The following SSX2IP variants were observed in gnomAD, a reference collection of about 807,000 sequenced individuals.
SSX2IP encodes SSX family member 2 interacting protein.
SSX2IP carries 55 observed loss-of-function variants against 84.9 expected under a neutral mutation model. That is an observed-to-expected ratio of 0.65 (90% CI 0.52 to 0.81). SSX2IP has a LOEUF of 0.81. Ranked by LOEUF, SSX2IP falls within the 30% of genes least tolerant of loss-of-function variation. SSX2IP has a pLI of 0.00. For synonymous variants in SSX2IP, 239 were observed against 234.7 expected (o/e 1.02, Z -0.17); for missense variants, 664 against 705.2 (o/e 0.94, Z 0.66).
chr1:84,650,994 C>G lies in SSX2IP; in HGVS notation c.1505-467G>C, dbSNP rs138211600. Among the ~76,000 whole-genome samples, 22 of 152,200 alleles carry G rather than the reference C, an allele frequency of 1.4e-4. No individual in the cohort carries two copies. In the East Asian group the frequency reaches 4.3e-3, roughly 30 times the overall value. ...TGCTGGGATTACAGGCGTGAGCCAC[C>G]GTGCCCAGCCAAAAGGATCTAGTTT... On this transcript the variant is annotated intron_variant, in intron 12 of 13. Coordinates refer to ENST00000342203, the MANE Select transcript of SSX2IP (RefSeq NM_001166293.2).
Position 84,643,764 on chromosome 1 carries a change from A to ACTAG in SSX2IP, c.*3665_*3668dup, listed in dbSNP as rs1649190784. Reference sequence around the variant, plus strand: ...AATATTATGTGCTGTTAAGCATTATACTAGGTACATGTATTTCTGAAGCTC... The same window carrying ACTAG: ...AATATTATGTGCTGTTAAGCATTATACTAGCTAGGTACATGTATTTCTGAAGCTC... On this transcript the variant is annotated 3_prime_UTR_variant, in exon 14 of 14. Coordinates refer to ENST00000342203, the MANE Select transcript of SSX2IP (RefSeq NM_001166293.2). The ACTAG allele has an allele frequency of 6.6e-6, 1 of 152,050 alleles. No individual in the cohort carries two copies. Among genetic ancestry groups the ACTAG allele is most frequent in the Non-Finnish European group, 1.5e-5 (1 of 67,994 alleles). The allele number at this position is 152,050 out of a possible 1,614,324, so 9.4% of individuals were successfully genotyped here. A position where few individuals can be genotyped will look rare whatever the true frequency, so the allele number is the denominator to read the frequency against.
At position 84,652,006 on chromosome 1, in the gene SSX2IP, A is replaced by C; in HGVS notation, c.1390-9T>G. 6.3e-7 allele frequency: 1 copy of C among 1,589,094 alleles called. No homozygotes were observed. Among genetic ancestry groups the C allele is most frequent in the Non-Finnish European group, 8.6e-7 (1 of 1,157,562 alleles). On this transcript the variant is annotated splice_polypyrimidine_tract_variant and intron_variant, in intron 11 of 13. Transcript: ENST00000342203. ...TCTTCAAATGCCTTTCTCTACCATA[A>C]ACAGCCAAAGAAATAATGATCAATA...
chr1:84,681,000 A>G (rs1190128562), intron 1 of SSX2IP, among the ~76,000 whole-genome samples: 1 of 151,716 alleles, frequency 6.6e-6, no homozygotes, highest in Non-Finnish European at 1.5e-5. Context: ...AGTGATAAAA[A>G]ATGCATAAAA....
At chr1:84,658,884 A>G (rs886675814) in intron 8 of SSX2IP, among the ~76,000 whole-genome samples, 5 of 152,266 alleles carry the variant, frequency 3.3e-5, no homozygotes, top group Non-Finnish European at 7.3e-5. Context: ...GGCTGCTTAA[A>G]GAAATGCACT....
At chr1:84,652,092 T>C in intron 11 of SSX2IP, 95 bp from the exon 12 acceptor site, 1 of 881,950 alleles carries the variant, frequency 1.1e-6, no homozygotes, top group Non-Finnish European at 1.9e-6. Flanking sequence ...GTTTGCTCTC[T>C]GGCTATCTAT....
intron 1 of SSX2IP, among the ~76,000 whole-genome samples, chr1:84,674,188 TTCCCAAGAGATAAGGTATAATGTACTTA>T (rs1282420288): frequency 2.0e-5 from 3 of 152,170 alleles, no homozygotes; most frequent in Non-Finnish European, 4.4e-5. Flanking sequence ...CCTCCTAAGT[TTCCCAAGAGATAAGGTATAATGTACTTA>T]TCCCAAGAGA....
chr1:84,689,646 G>C (rs1001339279), intron 1 of SSX2IP, among the ~76,000 whole-genome samples: 1 of 152,172 alleles, frequency 6.6e-6, no homozygotes, highest in Non-Finnish European at 1.5e-5. Context: ...CAGCAAATTA[G>C]TATATTCTAT....
At position 84,670,665 on chromosome 1, in the gene SSX2IP, C is replaced by T. The variant is rs960452254; in HGVS notation, c.194G>A (p.Ser65Asn). The T allele has an allele frequency of 8.1e-6, 13 of 1,606,990 alleles. No individual in the cohort carries two copies. In the Admixed American group the frequency reaches 1.7e-4, roughly 21 times the overall value. The stretch of plus-strand genomic sequence containing the variant: ...TGTTACCTGATCAAGATATGAGATA[C>T]TCTGTTCAATATTATCTTCTGTGCA... ...AFCTEDNIEQSISYLDQELTT... is the reference protein window; with the variant it reads ...AFCTEDNIEQNISYLDQELTT... Residue 65 changes from serine (S) to asparagine (N), a missense_variant, in exon 3 of 14, where the codon AGT becomes AAT. By Grantham distance (46) the Ser-to-Asn change is conservative. Transcript: ENST00000342203.
chr1:84,686,582 C>T (rs753944267), intron 1 of SSX2IP, among the ~76,000 whole-genome samples: 21 of 152,068 alleles, frequency 1.4e-4, no homozygotes, highest in Non-Finnish European at 2.8e-4. Flanking sequence ...CACAAGACAT[C>T]CGAGCACATT....
rs139023868 is a variant in SSX2IP, at chr1:84,650,506, A to C, written c.1526T>G (p.Ile509Arg). ...CTTTTGCGGCTGCCTCGAGTGCACT[A>C]TAAGATTGTCCCAATCAGAACCTGT... is the stretch of plus-strand genomic sequence containing the variant. ...FSGSSDWDNL[I>R]VHSRQPQKKP... Residue 509 changes from isoleucine (I) to arginine (R), a missense_variant, in exon 13 of 14, where the codon ATA becomes AGA. Ile to Arg is a moderately conservative substitution (Grantham distance 97, BLOSUM62 -3). Transcript: ENST00000342203. 3.1e-6 allele frequency: 5 copies of C among 1,614,070 alleles called. No homozygotes were observed. The African/African-American group carries it at 4.0e-5, about 13-fold the overall frequency.
At chr1:84,650,594 A>C in intron 12 of SSX2IP, 67 bp from the exon 13 acceptor site, 2 of 1,532,450 alleles carry the variant, frequency 1.3e-6, no homozygotes, top group South Asian at 1.1e-5. Context: ...GTGAAGGTAA[A>C]TCATCAGGAT....
chr1:84,676,154 A>G (rs554215307), intron 1 of SSX2IP, among the ~76,000 whole-genome samples: 2 of 152,378 alleles, frequency 1.3e-5, no homozygotes, highest in South Asian at 4.1e-4. Context: ...CTTGAACATT[A>G]AATAATTAAA....
chr1:84,655,039 A>T (rs1424065418), intron 11 of SSX2IP, among the ~76,000 whole-genome samples: 1 of 152,058 alleles, frequency 6.6e-6, no homozygotes, highest in African/African-American at 2.4e-5. Context: ...GACGAACAAG[A>T]GGAACAATAT....
At chr1:84,654,815 C>T (rs558743754) in intron 11 of SSX2IP, among the ~76,000 whole-genome samples, 2 of 152,064 alleles carry the variant, frequency 1.3e-5, no homozygotes, top group South Asian at 2.1e-4. Flanking sequence ...AGTACTTATA[C>T]CTGGATTGTA....
At position 84,645,974 on chromosome 1, in the gene SSX2IP, A is replaced by G. The variant is rs909582353; in HGVS notation, c.*1459T>C. The G allele has an allele frequency of 6.6e-6, 1 of 152,206 alleles. No individual in the cohort carries two copies. Among genetic ancestry groups the G allele is most frequent in the East Asian group, 1.9e-4 (1 of 5,204 alleles). The allele number at this position is 152,206 out of a possible 1,614,324, so 9.4% of individuals were successfully genotyped here. ...CAGCCCTGAAAAAATGGCTGCTGCT[A>G]TGCAACTCCAAAGAGTTACATAGTT... is the stretch of plus-strand genomic sequence containing the variant. On this transcript the variant is annotated 3_prime_UTR_variant, in exon 14 of 14. Transcript: ENST00000342203.
In SSX2IP at chr1:84,656,412, T is replaced by C; in HGVS notation, c.1151A>G (p.Glu384Gly). ...CTGCTGAATTTCTAACTCGAGTTTT[T>C]CAGTTTCTTGTTCATGGTCTTGTCG... ...ISRQDHEQET[E>G]KLELEIQQCK... The change falls in exon 10 of 14, where the codon GAA (glutamate) becomes GGA (glycine). Residue 384 changes from glutamate to glycine, a missense_variant. Physicochemically the swap from Glu to Gly is moderately conservative, Grantham distance 98 (BLOSUM62 -2). Transcript: ENST00000342203. 1 of 1,613,654 alleles carries C rather than the reference T, an allele frequency of 6.2e-7. No individual in the cohort carries two copies.
In SSX2IP at chr1:84,656,085, C is replaced by G. The variant is rs1009044224; in HGVS notation, c.1216-80G>C. The stretch of plus-strand genomic sequence containing the variant: ...AGTTGAAATGAAAGCAAGGGAAGGC[C>G]AGTCAAACTTCAGGGCAGGAATAGA... On this transcript the variant is annotated intron_variant, in intron 10 of 13. Transcript: ENST00000342203. 3 of 1,281,864 alleles carry G rather than the reference C, an allele frequency of 2.3e-6. No individual in the cohort carries two copies. The African/African-American group carries it at 4.5e-5, about 19-fold the overall frequency. 79.4% of individuals were successfully genotyped at this position (1,281,864 alleles called of 1,614,324 possible).
At chr1:84,665,284 G>A (rs1404713202) in intron 5 of SSX2IP, among the ~76,000 whole-genome samples, 3 of 152,052 alleles carry the variant, frequency 2.0e-5, no homozygotes, top group East Asian at 3.9e-4. Context: ...AAGGAAACAC[G>A]TACAAGCAAC....
Position 84,650,360 on chromosome 1 carries a change from A to C in SSX2IP, c.1670+2T>G, listed in dbSNP as rs1390083375. On this transcript the variant is annotated splice_donor_variant, in intron 13 of 13. Transcript: ENST00000342203. LOFTEE classifies it high-confidence loss of function. ...GTGAAAAGATCACCTATAGACAAAT[A>C]CCTATGTTCAGATATGCAGGAACGT... 6.2e-7 allele frequency: 1 copy of C among 1,614,166 alleles called. No individual in the cohort carries two copies. The highest frequency in any genetic ancestry group is 1.7e-5 in the Admixed American group (1 of 60,026).
Sources: gnomAD v4.1 joint callset for allele counts (sites outside exome capture counted in the v4.1 genomes callset) on GRCh38, gnomAD v4.1.1 for gene constraint, MANE v1.5 for transcripts, NCBI Gene and HGNC (gene_info 2026-07-23, HGNC 2026-07-21) for gene names.